Variants in KIF4A observed in about 807,000 individuals in gnomAD.
The protein encoded by KIF4A is kinesin family member 4A.
Under a neutral mutation model 105.9 loss-of-function variants are expected in KIF4A, and 7 were observed. That is an observed-to-expected ratio of 0.07 (90% CI 0.04 to 0.12). The LOEUF is 0.12. Ranked by LOEUF, KIF4A falls within the 10% of genes least tolerant of loss-of-function variation. KIF4A has a pLI of 1.00. For synonymous variants in KIF4A, 281 were observed against 331.3 expected, an observed-to-expected ratio of 0.85 and a Z score of 1.65; for missense variants, 558 against 929.2, an observed-to-expected ratio of 0.60 and a Z score of 5.19.
chrX:70,418,632 C>A (rs1282966307), intron 29 of KIF4A, among the ~76,000 whole-genome samples: 2 of 111,875 alleles, frequency 1.8e-5, no homozygotes, highest in Non-Finnish European at 3.8e-5. Flanking sequence ...CAGGTCAGAT[C>A]CCTATACCTG....
intron 15 of KIF4A, among the ~76,000 whole-genome samples, chrX:70,370,402 A>ATATT (rs2086125729): frequency 9.2e-6 from 1 of 108,288 alleles, no homozygotes; most frequent in East Asian, 2.8e-4. Flanking sequence ...TTATATAAAT[A>ATATT]TATTTATATG....
chrX:70,333,454 T>G (rs1013960069), intron 9 of KIF4A, among the ~76,000 whole-genome samples, 174 bp from the exon 10 acceptor site: 1 of 112,378 alleles, frequency 8.9e-6, no homozygotes. Context: ...CCTGTTATCA[T>G]TGGATCATCA....
chrX:70,290,437 G>C lies in KIF4A; in HGVS notation c.-21-1G>C, dbSNP rs771517204. 44 of 1,199,698 alleles carry C rather than the reference G, an allele frequency of 3.7e-5. No homozygotes were observed. The highest frequency in any genetic ancestry group is 4.7e-5 in the Non-Finnish European group (42 of 889,851). ...GCGAGCCTTCTTTTTCCCCCTCGCA[G>C]AGACGGTGCTGAGATAGGATCATGA... On this transcript the variant is annotated splice_acceptor_variant, in intron 1 of 30. Transcript: ENST00000374403. LOFTEE classifies it low-confidence loss of function (5UTR_SPLICE).
intron 7 of KIF4A, among the ~76,000 whole-genome samples, chrX:70,304,528 A>G (rs757869888): frequency 9.1e-6 from 1 of 110,349 alleles, no homozygotes; most frequent in South Asian, 4.0e-4. Context: ...GACTTCCACA[A>G]TGGTTGAACT....
chrX:70,343,583 C>G, intron 11 of KIF4A, 120 bp from the exon 12 acceptor site: 1 of 588,174 alleles, frequency 1.7e-6, no homozygotes. Flanking sequence ...CCACTAAATC[C>G]TCTGTTACAG....
Position 70,419,790 on chromosome X carries a change from G to A in KIF4A, c.3495+7G>A. ...TGCCACCCCCAATAGCAAGGTAGGTGGGCTAAAAGGCAGGCATTGGAAAAC... is the reference window on the plus strand; with the variant it reads ...TGCCACCCCCAATAGCAAGGTAGGTAGGCTAAAAGGCAGGCATTGGAAAAC... On this transcript the variant is annotated splice_region_variant and intron_variant, in intron 30 of 30. Transcript: ENST00000374403. 8.3e-7 allele frequency: 1 copy of A among 1,210,843 alleles called. No homozygotes were observed. The highest frequency in any genetic ancestry group is 3.0e-5 in the East Asian group (1 of 33,811).
intron 15 of KIF4A, among the ~76,000 whole-genome samples, chrX:70,368,734 T>A (rs1307075373): frequency 8.9e-6 from 1 of 111,880 alleles, no homozygotes; most frequent in African/African-American, 3.3e-5. Flanking sequence ...CGTTCTCAGA[T>A]CTTCAGCTGT....
chrX:70,363,825 C>T (rs754509385), intron 15 of KIF4A, among the ~76,000 whole-genome samples: 200 of 112,146 alleles, frequency 1.8e-3, no homozygotes, highest in Middle Eastern at 0.014. Flanking sequence ...ACACTGACTT[C>T]CACAATGGTT....
intron 7 of KIF4A, among the ~76,000 whole-genome samples, chrX:70,309,363 C>G (rs1223621619): frequency 9.0e-6 from 1 of 111,376 alleles, no homozygotes; most frequent in African/African-American, 3.3e-5. Flanking sequence ...TTTCTTCTTT[C>G]ATGTTGTATT....
chrX:70,310,518 T>C (rs1162386301), intron 7 of KIF4A, among the ~76,000 whole-genome samples: 6 of 111,760 alleles, frequency 5.4e-5, no homozygotes. Flanking sequence ...AATTTTTAGC[T>C]ATTATGAATA....
intron 10 of KIF4A, 106 bp downstream of exon 10, chrX:70,333,795 C>A: frequency 9.1e-6 from 5 of 550,586 alleles, no homozygotes; most frequent in Non-Finnish European, 1.5e-5. Context: ...CGGTAAGGAT[C>A]TTACCAATTT....
At position 70,290,164 on chromosome X, in the gene KIF4A, G is replaced by A; in HGVS notation, c.-22+14G>A. 4.2e-6 allele frequency: 1 copy of A among 239,520 alleles called. No homozygotes were observed. Among genetic ancestry groups the A allele is most frequent in the Non-Finnish European group, 7.4e-6 (1 of 134,507 alleles). 19.7% of individuals were successfully genotyped at this position (239,520 alleles called of 1,213,427 possible). A position where few individuals can be genotyped will look rare whatever the true frequency, so the allele number is the denominator to read the frequency against. The stretch of plus-strand genomic sequence containing the variant: ...ACATTTAGTTTGGTGAGTTACGGGG[G>A]CACACCTTAGCTCAGAACCTGTTTT... On this transcript the variant is annotated intron_variant, in intron 1 of 30. Transcript: ENST00000374403.
intron 15 of KIF4A, among the ~76,000 whole-genome samples, chrX:70,355,320 T>C (rs964637281): frequency 8.1e-5 from 9 of 111,621 alleles, no homozygotes; most frequent in African/African-American, 2.6e-4. Context: ...AGGCTAGTGT[T>C]TTCTACCTGT....
intron 9 of KIF4A, among the ~76,000 whole-genome samples, chrX:70,331,079 C>T (rs2085928383): frequency 8.9e-6 from 1 of 111,742 alleles, no homozygotes; most frequent in South Asian, 3.8e-4. Flanking sequence ...AATCTTAGCT[C>T]TATAACTCAC....
intron 20 of KIF4A, among the ~76,000 whole-genome samples, chrX:70,389,579 A>G (rs930716786): frequency 3.6e-5 from 4 of 112,530 alleles, no homozygotes; most frequent in African/African-American, 1.3e-4. Flanking sequence ...AAAAATATAT[A>G]TATTTGTCAA....
At chrX:70,381,638 A>C (rs750994479) in intron 18 of KIF4A, among the ~76,000 whole-genome samples, 8 of 112,512 alleles carry the variant, frequency 7.1e-5, no homozygotes, top group Admixed American at 4.7e-4. Context: ...AGACTTGTAT[A>C]CTTGAAAACT....
In KIF4A at chrX:70,389,523, G is replaced by A. The variant is rs757873230; in HGVS notation, c.2232+2226G>A. The stretch of plus-strand genomic sequence containing the variant: ...GCAGAGGTTGCAGTGAGCCGAGATC[G>A]TTCCACTGCACTCCACCTGGGTGAT... On this transcript the variant is annotated intron_variant, in intron 20 of 30. Coordinates refer to ENST00000374403, the MANE Select transcript of KIF4A (RefSeq NM_012310.5). Among the ~76,000 whole-genome samples the A allele has an allele frequency of 3.1e-3, 350 of 112,815 alleles. 2 individuals are homozygous for A. Among genetic ancestry groups the A allele is most frequent in the African/African-American group, 0.011 (342 of 31,117 alleles).
rs753865389 is a variant in KIF4A, at chrX:70,328,267, A to G, written c.779-1138A>G. ...CAGGGTCATGGTGCCAGTAGAATCAATGACTGGTGAGGACAGACATCCTGG... is the reference window on the plus strand; with the variant it reads ...CAGGGTCATGGTGCCAGTAGAATCAGTGACTGGTGAGGACAGACATCCTGG... On this transcript the variant is annotated intron_variant, in intron 7 of 30. Transcript: ENST00000374403. Among the ~76,000 whole-genome samples, 5 of 111,562 alleles carry G rather than the reference A, an allele frequency of 4.5e-5. No individual in the cohort carries two copies. The South Asian group carries it at 1.6e-3, about 35-fold the overall frequency.
intron 15 of KIF4A, among the ~76,000 whole-genome samples, chrX:70,357,335 A>C (rs1009716334): frequency 1.8e-5 from 2 of 111,655 alleles, no homozygotes; most frequent in African/African-American, 3.3e-5. Flanking sequence ...AACAAACAAA[A>C]AAACTATAAA....
Sources: gnomAD v4.1 joint callset for allele counts (sites outside exome capture counted in the v4.1 genomes callset) on GRCh38, gnomAD v4.1.1 for gene constraint, MANE v1.5 for transcripts, NCBI Gene and HGNC (gene_info 2026-07-23, HGNC 2026-07-21) for gene names.